The following COL4A6 variants were observed in gnomAD, a reference collection of about 807,000 sequenced individuals.
COL4A6 encodes the protein collagen alpha-6(IV) chain.
A neutral mutation model predicts 126.7 loss-of-function variants in COL4A6; 59 were observed. That is an observed-to-expected ratio of 0.47 (90% CI 0.38 to 0.58). The LOEUF (loss-of-function observed/expected upper bound fraction) is 0.58. COL4A6 is among the 20% of genes least tolerant of loss of function. COL4A6 has a pLI of 0.00. For missense variants in COL4A6, 1,285 were observed against 1,337.3 expected (o/e 0.96, Z 0.61); for synonymous variants, 547 against 496.6 (o/e 1.10, Z -1.35).
At chrX:108,223,541 C>T (rs1426472739) in intron 3 of COL4A6, among the ~76,000 whole-genome samples, 1 of 110,744 alleles carries the variant, frequency 9.0e-6, no homozygotes, top group African/African-American at 3.3e-5. Flanking sequence ...TTGCCCATGG[C>T]TGGGGGAAGT....
intron 3 of COL4A6, among the ~76,000 whole-genome samples, chrX:108,237,872 A>G (rs76140660): frequency 9.3e-5 from 9 of 97,165 alleles, no homozygotes; most frequent in African/African-American, 3.8e-4. Flanking sequence ...CTATCTATCT[A>G]TCTATCTATC....
At chrX:108,275,829 C>T (rs1414459048) in intron 3 of COL4A6, among the ~76,000 whole-genome samples, 1 of 112,957 alleles carries the variant, frequency 8.9e-6, no homozygotes, top group Non-Finnish European at 1.9e-5. Context: ...TCGTGTGGGA[C>T]TGAGATTGGC....
At chrX:108,258,695 A>G (rs780221628) in intron 3 of COL4A6, among the ~76,000 whole-genome samples, 1 of 112,135 alleles carries the variant, frequency 8.9e-6, no homozygotes, top group South Asian at 3.7e-4. Flanking sequence ...TTTGTTTAGA[A>G]ACAGATGCAC....
chrX:108,214,093 C>T lies in COL4A6; in HGVS notation c.441+19G>A. 5.2e-6 allele frequency: 6 copies of T among 1,159,430 alleles called. No individual in the cohort carries two copies. Among genetic ancestry groups the T allele is most frequent in the South Asian group, 3.6e-5 (2 of 55,109 alleles). ...AAGCAAAGCCATTTGAAATAAAATG[C>T]AAATATCTGGCAGCATACGGGTGGT... On this transcript the variant is annotated intron_variant, in intron 6 of 44. Transcript: ENST00000334504.
chrX:108,194,644 G>A, intron 15 of COL4A6, 57 bp from the exon 16 acceptor site: 1 of 1,116,037 alleles, frequency 9.0e-7, no homozygotes, highest in Non-Finnish European at 1.2e-6. Context: ...AAGAGAGTCT[G>A]GTCTTTGGAT....
intron 2 of COL4A6, among the ~76,000 whole-genome samples, chrX:108,356,679 C>T (rs2039967784): frequency 9.0e-6 from 1 of 111,730 alleles, no homozygotes; most frequent in African/African-American, 3.3e-5. Context: ...AATATTAGCC[C>T]TTCACATAAA....
At chrX:108,159,421 C>A (rs778338663) in intron 44 of COL4A6, 41 bp downstream of exon 44, 1 of 1,203,453 alleles carries the variant, frequency 8.3e-7, no homozygotes, top group South Asian at 1.8e-5. Flanking sequence ...CCAAGGGGCC[C>A]TTTGCCTCCA....
At chrX:108,354,176 G>A (rs1159583514) in intron 2 of COL4A6, among the ~76,000 whole-genome samples, 1 of 110,942 alleles carries the variant, frequency 9.0e-6, no homozygotes, top group Admixed American at 9.6e-5. Flanking sequence ...AAAAATAAGT[G>A]ACGCTATGAG....
intron 3 of COL4A6, among the ~76,000 whole-genome samples, chrX:108,229,395 A>C (rs776570204): frequency 8.9e-6 from 1 of 112,158 alleles, no homozygotes; most frequent in Non-Finnish European, 1.9e-5. Flanking sequence ...CTAAGTAAGA[A>C]AATTCGAGTA....
chrX:108,360,274 T>C (rs780515772), intron 2 of COL4A6, among the ~76,000 whole-genome samples: 1 of 112,122 alleles, frequency 8.9e-6, no homozygotes, highest in South Asian at 3.7e-4. Flanking sequence ...GTATTTACTA[T>C]GCAAAAGGTG....
chrX:108,383,303 T>G (rs1352546550), intron 2 of COL4A6: 4 of 187,625 alleles, frequency 2.1e-5, no homozygotes, highest in African/African-American at 3.0e-5. Context: ...CATTTTATCA[T>G]GATGAAAGGG....
At chrX:108,258,154 C>T (rs1327487724) in intron 3 of COL4A6, among the ~76,000 whole-genome samples, 1 of 111,401 alleles carries the variant, frequency 9.0e-6, no homozygotes, top group South Asian at 3.7e-4. Context: ...AGATGATCTG[C>T]AAAACAGAAG....
intron 20 of COL4A6, 26 bp downstream of exon 20, chrX:108,190,366 C>T (rs1483369913): frequency 3.6e-6 from 4 of 1,101,164 alleles, no homozygotes; most frequent in Non-Finnish European, 1.2e-6. Context: ...TTTGGAGGAC[C>T]AAGAAACTCA....
chrX:108,332,131 C>T (rs1188001252), intron 2 of COL4A6, among the ~76,000 whole-genome samples: 1 of 111,455 alleles, frequency 9.0e-6, no homozygotes, highest in Non-Finnish European at 1.9e-5. Context: ...TTAGTCATTT[C>T]ACTCAGGAAA....
chrX:108,381,968 G>T, intron 2 of COL4A6, among the ~76,000 whole-genome samples: 1 of 110,670 alleles, frequency 9.0e-6, no homozygotes, highest in East Asian at 2.9e-4. Flanking sequence ...AGCTCATATT[G>T]ATTTTTCTCT....
At chrX:108,260,466 G>A (rs778816145) in intron 3 of COL4A6, among the ~76,000 whole-genome samples, 48 of 111,095 alleles carry the variant, frequency 4.3e-4, no homozygotes, top group African/African-American at 1.5e-3. Flanking sequence ...TCATGGGGGC[G>A]GGTCTTCCCC....
intron 44 of COL4A6, 81 bp from the exon 45 acceptor site, chrX:108,157,341 A>G (rs2033774966): frequency 8.8e-7 from 1 of 1,132,016 alleles, no homozygotes; most frequent in East Asian, 3.0e-5. Flanking sequence ...CCACTGCTAC[A>G]GGGGCACATG....
chrX:108,312,363 C>T (rs2038784039), intron 2 of COL4A6, among the ~76,000 whole-genome samples: 1 of 112,014 alleles, frequency 8.9e-6, no homozygotes, highest in Non-Finnish European at 1.9e-5. Flanking sequence ...TTTTAGATTC[C>T]AAACACCTTC....
rs150454971 is a variant in COL4A6 at position 108,176,842 on chromosome X, C to G, written c.2685G>C (p.Lys895Asn). Residue 895 changes from lysine (K) to asparagine (N), a missense_variant and splice_region_variant, in exon 28 of 45, where the codon AAG becomes AAC. Physicochemically the swap from Lys to Asn is moderately conservative, Grantham distance 94. Transcript: ENST00000334504. ...VAGLPALSGP[K>N]GEKGSVGFVG... Reference sequence around the variant, plus strand: ...CACTTCACTGATCACTTCACTTACCCTTGGGTCCAGAGAGGGCTGGCAACC... The same window carrying G: ...CACTTCACTGATCACTTCACTTACCGTTGGGTCCAGAGAGGGCTGGCAACC... The G allele has an allele frequency of 6.6e-6, 8 of 1,203,732 alleles. No individual in the cohort carries two copies. The African/African-American group carries it at 1.4e-4, about 21-fold the overall frequency.
Sources: gnomAD v4.1 joint callset for allele counts (sites outside exome capture counted in the v4.1 genomes callset) on GRCh38, gnomAD v4.1.1 for gene constraint, MANE v1.5 for transcripts, NCBI Gene and HGNC (gene_info 2026-07-23, HGNC 2026-07-21) for gene names.